The following LRRC43 variants were observed in gnomAD, a reference collection of about 807,000 sequenced individuals.
The protein encoded by LRRC43 is leucine rich repeat containing 43.
Under a neutral mutation model 64.3 loss-of-function variants are expected in LRRC43, and 62 were observed. The observed-to-expected ratio is 0.96, with a 90% CI of 0.79 to 1.19. LRRC43 has a LOEUF of 1.19. Ranked by LOEUF, LRRC43 falls within the 50% of genes most tolerant of loss-of-function variation. The probability of loss-of-function intolerance (pLI) is 0.00; values close to 1 mark genes in which losing one functional copy is unlikely to be tolerated. For synonymous variants in LRRC43, 422 were observed against 382.3 expected, an observed-to-expected ratio of 1.10 and a Z score of -1.21; for missense variants, 868 against 845.0, an observed-to-expected ratio of 1.03 and a Z score of -0.34.
Position 122,190,229 on chromosome 12 carries a change from G to T in LRRC43, c.762G>T (p.Val254=). The change falls in exon 5 of 12, where the codon GTG becomes GTT. Residue 254 remains valine (V), a synonymous_variant. Transcript: ENST00000339777. ...CCCTCCGGCACCTGCGACTCCTGGT[G>T]CTGCAGGGAAACCCACTGGCCTTGG... ...LRTLRHLRLL[V]LQGNPLALVP... The T allele has an allele frequency of 6.2e-7, 1 of 1,614,168 alleles. No individual in the cohort carries two copies. The highest frequency in any genetic ancestry group is 1.1e-5 in the South Asian group (1 of 91,082).
At chr12:122,189,381 C>T in intron 4 of LRRC43, 2 of 455,766 alleles carry the variant, frequency 4.4e-6, no homozygotes, top group Non-Finnish European at 8.8e-6. Flanking sequence ...ACCCTGGTTT[C>T]CTCTTCCTCC....
intron 7 of LRRC43, among the ~76,000 whole-genome samples, chr12:122,195,209 G>A (rs558380742): frequency 2.6e-5 from 4 of 150,960 alleles, no homozygotes; most frequent in Admixed American, 6.6e-5. Context: ...AGAATTGTTG[G>A]TTGACAGTTT....
chr12:122,172,711 G>C (rs758338346), intron 1 of LRRC43: 1 of 1,613,524 alleles, frequency 6.2e-7, no homozygotes, highest in Non-Finnish European at 8.5e-7. Context: ...GTGTAATTCT[G>C]GGACACGAGC....
upstream of LRRC43, among the ~76,000 whole-genome samples, chr12:122,181,935 C>T (rs1022161281): frequency 4.0e-5 from 6 of 151,718 alleles, no homozygotes; most frequent in Non-Finnish European, 1.5e-5. Flanking sequence ...AAAGTTGTCC[C>T]GATATCGTAT....
chr12:122,202,605 C>T (rs1566014520), intron 11 of LRRC43, among the ~76,000 whole-genome samples: 1 of 152,142 alleles, frequency 6.6e-6, no homozygotes, highest in Non-Finnish European at 1.5e-5. Flanking sequence ...TGACACCTGT[C>T]ACTATACATT....
chr12:122,189,992 G>C, intron 4 of LRRC43, 138 bp from the exon 5 acceptor site: 1 of 751,312 alleles, frequency 1.3e-6, no homozygotes, highest in Non-Finnish European at 2.3e-6. Context: ...GTTAACTTGG[G>C]TCAAGGGTAG....
chr12:122,192,495 A>G (rs1234727851), intron 6 of LRRC43, among the ~76,000 whole-genome samples: 1 of 152,166 alleles, frequency 6.6e-6, no homozygotes, highest in Non-Finnish European at 1.5e-5. Context: ...AAACCCAAGG[A>G]TACCATCCAA....
chr12:122,182,341 T>C (rs1953588845), upstream of LRRC43, among the ~76,000 whole-genome samples: 1 of 151,800 alleles, frequency 6.6e-6, no homozygotes, highest in Non-Finnish European at 1.5e-5. Flanking sequence ...CTGGCCAACA[T>C]GGTGAAACCC....
At position 122,192,934 on chromosome 12, in the gene LRRC43, C is replaced by T; in HGVS notation, c.1279C>T (p.Pro427Ser). ...GGGGCCTTCGACCATCTTGCAGATG[C>T]CGAGGGCCTCTGCAGAAGAGCTGGC... ...ISGPSTILQM[P>S]RASAEELAKL... The change falls in exon 7 of 12, where the codon CCG becomes TCG. Residue 427 changes from proline to serine, a missense_variant. Transcript: ENST00000339777. 6.2e-7 allele frequency: 1 copy of T among 1,613,964 alleles called. No individual in the cohort carries two copies. Among genetic ancestry groups the T allele is most frequent in the Non-Finnish European group, 8.5e-7 (1 of 1,180,000 alleles).
rs1593155163 is a variant in LRRC43, at chr12:122,200,041, C to T, written c.1350-148C>T. The T allele has an allele frequency of 3.7e-6, 3 of 811,974 alleles. No homozygotes were observed. The East Asian group carries it at 7.7e-5, about 21-fold the overall frequency. The allele number at this position is 811,974 out of a possible 1,614,324, so 50.3% of individuals were successfully genotyped here. On this transcript the variant is annotated intron_variant, in intron 7 of 11. Transcript: ENST00000339777. This position sits in a 1 kb window ranked among gnomAD's most constrained non-coding sequence, Gnocchi z 4.6. Reference sequence around the variant, plus strand: ...CTGGCCTTCTGGTCCCCTTGCCCTGCCTGGTGGCAGCCGGACCTCACGTCT... The same window carrying T: ...CTGGCCTTCTGGTCCCCTTGCCCTGTCTGGTGGCAGCCGGACCTCACGTCT...
chr12:122,197,905 TG>T (rs1177384156), intron 7 of LRRC43, among the ~76,000 whole-genome samples: 1 of 152,168 alleles, frequency 6.6e-6, no homozygotes, highest in Non-Finnish European at 1.5e-5. Flanking sequence ...ATCACTGGTT[TG>T]GGGTTTTTTT....
intron 7 of LRRC43, among the ~76,000 whole-genome samples, chr12:122,197,259 C>G (rs902050781): frequency 2.0e-5 from 3 of 152,184 alleles, no homozygotes; most frequent in African/African-American, 7.2e-5. Context: ...CTCCTGGGTT[C>G]AAGCAATTCT....
chr12:122,177,230 A>T (rs1277333154), intron 1 of LRRC43, among the ~76,000 whole-genome samples: 1 of 152,164 alleles, frequency 6.6e-6, no homozygotes, highest in Non-Finnish European at 1.5e-5. Flanking sequence ...CAGAAGAGGA[A>T]GTCAGAGAGA....
chr12:122,202,773 A>T (rs1953856720), intron 11 of LRRC43, among the ~76,000 whole-genome samples: 1 of 152,196 alleles, frequency 6.6e-6, no homozygotes, highest in Non-Finnish European at 1.5e-5. Flanking sequence ...TTTCCCCTGA[A>T]GTGCTATAAT....
Position 122,175,867 on chromosome 12 carries a change from A to T in LRRC43, c.-406+8085A>T, listed in dbSNP as rs193158012. ...TTTTTAGTAGAGACGGGGTTTCACC[A>T]TGTTGGCCAGGCTGGCCTCTATCTC... On this transcript the variant is annotated intron_variant, in intron 1 of 5. Transcript: ENST00000537729. Among the ~76,000 whole-genome samples, 802 of 151,950 alleles carry T rather than the reference A, an allele frequency of 5.3e-3. 3 individuals carry two copies. In the Middle Eastern group the frequency reaches 0.075, roughly 14 times the overall value.
intron 7 of LRRC43, among the ~76,000 whole-genome samples, chr12:122,198,073 C>T (rs575321518): frequency 1.4e-4 from 22 of 152,062 alleles, no homozygotes; most frequent in Non-Finnish European, 2.8e-4. Flanking sequence ...CTCCGCCTCC[C>T]GGGTTCAAGC....
At chr12:122,193,306 A>G (rs533722509) in intron 7 of LRRC43, among the ~76,000 whole-genome samples, 101 of 142,390 alleles carry the variant, frequency 7.1e-4, no homozygotes, top group African/African-American at 2.3e-3. Flanking sequence ...TCGTGAACCC[A>G]GGAGGCGGGG....
In LRRC43 at chr12:122,186,190, G is replaced by A; in HGVS notation, c.412G>A (p.Val138Ile). 1 of 1,576,384 alleles carries A rather than the reference G, an allele frequency of 6.3e-7. No homozygotes were observed. Among genetic ancestry groups the A allele is most frequent in the Non-Finnish European group, 8.6e-7 (1 of 1,157,330 alleles). ...FRSLRVIDKK[V>I]TLVDKDLLKF... The stretch of plus-strand genomic sequence containing the variant: ...CTCAGCTTCCTCTCCCCTCTTCCAG[G>A]TCACCCTGGTGGATAAAGACCTCCT... The change falls in exon 3 of 12, where the codon GTC becomes ATC. Residue 138 changes from valine to isoleucine, a missense_variant and splice_region_variant. By Grantham distance (29) the Val-to-Ile change is conservative. Coordinates refer to ENST00000339777, the MANE Select transcript of LRRC43 (RefSeq NM_001098519.2).
At position 122,184,511 on chromosome 12, in the gene LRRC43, C is replaced by T. The variant is rs1953617602; in HGVS notation, c.151-8C>T. 6.2e-7 allele frequency: 1 copy of T among 1,612,014 alleles called. No individual in the cohort carries two copies. Among genetic ancestry groups the T allele is most frequent in the African/African-American group, 1.3e-5 (1 of 74,888 alleles). On this transcript the variant is annotated splice_region_variant and splice_polypyrimidine_tract_variant and intron_variant, in intron 1 of 11. Transcript: ENST00000339777. The surrounding 1 kb of genome is among the most constrained non-coding windows in gnomAD (Gnocchi z 4.0). Reference sequence around the variant, plus strand: ...CACCTACAGAAAATCCCTCCTCTGCCACTGCAGAATAAGTCGCGCTTTCTT... The same window carrying T: ...CACCTACAGAAAATCCCTCCTCTGCTACTGCAGAATAAGTCGCGCTTTCTT...
Sources: gnomAD v4.1 joint callset for allele counts (sites outside exome capture counted in the v4.1 genomes callset) on GRCh38, gnomAD v4.1.1 for gene constraint, Gnocchi (gnomAD v3.1) non-coding constraint, MANE v1.5 for transcripts, NCBI Gene and HGNC (gene_info 2026-07-23, HGNC 2026-07-21) for gene names.